ANK2: variants seen among roughly 807,000 people sequenced by gnomAD.
ANK2 encodes the protein ankyrin-2.
ANK2 carries 83 observed loss-of-function variants against 360.5 expected under a neutral mutation model. The observed-to-expected ratio is 0.23, with a 90% CI of 0.19 to 0.28. The LOEUF is 0.28. Ranked by LOEUF, ANK2 falls within the 10% of genes least tolerant of loss-of-function variation. The pLI, the probability that ANK2 is intolerant of heterozygous loss-of-function variation, is 1.00. For missense variants in ANK2, 4,201 were observed against 4,795.7 expected (o/e 0.88, Z 3.66); for synonymous variants, 1,740 against 1,759.5 (o/e 0.99, Z 0.28).
intron 1 of ANK2, chr4:112,827,438 A>G: frequency 7.2e-7 from 1 of 1,381,970 alleles, no homozygotes; most frequent in Non-Finnish European, 1.0e-6. Context: ...CTTGGAAGTG[A>G]GGGCTTAAAA....
chr4:113,351,982 G>A (rs1332078846), intron 37 of ANK2, among the ~76,000 whole-genome samples: 2 of 152,182 alleles, frequency 1.3e-5, no homozygotes, highest in African/African-American at 2.4e-5. Context: ...CTTAATGGGT[G>A]TAAGCCCCCA....
At chr4:112,867,103 CT>C (rs1258134762) in intron 1 of ANK2, among the ~76,000 whole-genome samples, 7 of 150,682 alleles carry the variant, frequency 4.6e-5, no homozygotes, top group South Asian at 4.2e-4. Flanking sequence ...TCATAATTAC[CT>C]TTTTTTTTGA....
At chr4:113,194,060 G>A (rs963271743) in intron 2 of ANK2, among the ~76,000 whole-genome samples, 11 of 151,984 alleles carry the variant, frequency 7.2e-5, no homozygotes, top group African/African-American at 2.7e-4. Flanking sequence ...AAGTATTTGG[G>A]GGCCAAATAT....
chr4:113,174,998 A>G (rs941385385), intron 2 of ANK2, among the ~76,000 whole-genome samples: 4 of 152,340 alleles, frequency 2.6e-5, no homozygotes, highest in African/African-American at 9.6e-5. Context: ...TGATGTATCC[A>G]TTCATCATGT....
chr4:113,098,467 A>G (rs2154358125), intron 1 of ANK2, among the ~76,000 whole-genome samples: 1 of 152,172 alleles, frequency 6.6e-6, no homozygotes, highest in South Asian at 2.1e-4. Context: ...CTTGAAAAGT[A>G]CAATCTACCA....
chr4:112,705,831 C>T, the ANK2 span, among the ~76,000 whole-genome samples: 1 of 152,164 alleles, frequency 6.6e-6, no homozygotes, highest in Non-Finnish European at 1.5e-5. Flanking sequence ...TTTCAGAGCA[C>T]ACGCGCCGGG....
chr4:112,712,187 A>G, the ANK2 span, among the ~76,000 whole-genome samples: 4 of 149,818 alleles, frequency 2.7e-5, no homozygotes, highest in South Asian at 2.1e-4. Flanking sequence ...GGTTCAAGCT[A>G]TTCTGCCTCA....
the ANK2 span, among the ~76,000 whole-genome samples, chr4:112,721,541 C>CA: frequency 0.014 from 639 of 46,860 alleles, 32 homozygotes; most frequent in African/African-American, 0.02. Context: ...GACCCCATCT[C>CA]AAAAAAAAAA....
intron 23 of ANK2, among the ~76,000 whole-genome samples, chr4:113,303,608 A>G (rs29314): frequency 0.041 from 6,190 of 152,210 alleles, 301 homozygotes; most frequent in East Asian, 0.26. Context: ...TTCATTTTGT[A>G]TTTTGAACTT....
At chr4:113,241,403 T>C (rs1045556724) in intron 8 of ANK2, among the ~76,000 whole-genome samples, 4 of 152,186 alleles carry the variant, frequency 2.6e-5, no homozygotes, top group Non-Finnish European at 5.9e-5. Context: ...AGGGGCATGA[T>C]CATGGCTCAC....
Position 113,353,812 on chromosome 4 carries a change from A to G in ANK2, c.5194A>G (p.Ser1732Gly), listed in dbSNP as rs753116668. The change falls in exon 38 of 46, where the codon AGT (serine) becomes GGT (glycine). Residue 1732 changes from serine (S) to glycine (G), a missense_variant. Physicochemically the swap from Ser to Gly is moderately conservative, Grantham distance 56. Coordinates refer to ENST00000357077, the MANE Select transcript of ANK2 (RefSeq NM_001148.6). ...SAEKAELKKG[S>G]SEESLGEDPG... ...AGAGAAAGCTGAACTTAAAAAAGGT[A>G]GTTCAGAAGAGTCATTAGGTGAAGA... 1.9e-6 allele frequency: 3 copies of G among 1,614,042 alleles called. No individual in the cohort carries two copies. Among genetic ancestry groups the G allele is most frequent in the Non-Finnish European group, 2.5e-6 (3 of 1,180,002 alleles).
chr4:112,831,870 A>C (rs188816351), intron 1 of ANK2, among the ~76,000 whole-genome samples: 1 of 152,110 alleles, frequency 6.6e-6, no homozygotes, highest in Non-Finnish European at 1.5e-5. Context: ...GAACTGTAAC[A>C]CTCATTGTGA....
At chr4:112,780,931 A>G in the ANK2 span, among the ~76,000 whole-genome samples, 1 of 152,132 alleles carries the variant, frequency 6.6e-6, no homozygotes, top group Non-Finnish European at 1.5e-5. Context: ...TTATATAACT[A>G]TTTGTTATAC....
At chr4:112,764,603 A>G in the ANK2 span, among the ~76,000 whole-genome samples, 2 of 151,588 alleles carry the variant, frequency 1.3e-5, no homozygotes, top group Non-Finnish European at 2.9e-5. Context: ...CGGCCTCCCA[A>G]AGTGCTGGGA....
intron 1 of ANK2, among the ~76,000 whole-genome samples, chr4:112,823,930 T>A (rs6849218): frequency 6.6e-6 from 1 of 152,128 alleles, no homozygotes; most frequent in Admixed American, 6.5e-5. Context: ...CTGAGATTAC[T>A]GTTTGGGGTC....
intron 1 of ANK2, among the ~76,000 whole-genome samples, chr4:112,874,303 G>A (rs185447144): frequency 4.1e-4 from 61 of 149,706 alleles, no homozygotes; most frequent in East Asian, 6.1e-4. Flanking sequence ...GGCTGGTGTC[G>A]AACTCATGAC....
At chr4:113,190,185 G>A (rs1363977285) in intron 2 of ANK2, among the ~76,000 whole-genome samples, 1 of 151,954 alleles carries the variant, frequency 6.6e-6, no homozygotes, top group African/African-American at 2.4e-5. Flanking sequence ...TTTGAGGCAA[G>A]GGGTTTGCTC....
intron 2 of ANK2, among the ~76,000 whole-genome samples, chr4:112,928,674 GAC>G (rs931408404): frequency 6.6e-6 from 1 of 152,074 alleles, no homozygotes; most frequent in African/African-American, 2.4e-5. Context: ...ACAGGACAAA[GAC>G]ACACACATGT....
At chr4:112,938,123 T>C (rs1046827101) in intron 2 of ANK2, among the ~76,000 whole-genome samples, 1 of 152,252 alleles carries the variant, frequency 6.6e-6, no homozygotes, top group African/African-American at 2.4e-5. Context: ...TAGAATCATG[T>C]GACTACATGT....
Sources: allele counts gnomAD v4.1 joint callset (sites outside exome capture counted in the v4.1 genomes callset), GRCh38; gene constraint gnomAD v4.1.1; transcripts MANE v1.5; gene names NCBI Gene and HGNC (gene_info 2026-07-23, HGNC 2026-07-21).